SH3KBP1: variants seen among roughly 807,000 people sequenced by gnomAD.
SH3KBP1 encodes SH3 domain containing kinase binding protein 1.
Under a neutral mutation model 50.1 loss-of-function variants are expected in SH3KBP1, and 8 were observed. That is an observed-to-expected ratio of 0.16 (90% confidence interval 0.09 to 0.29). SH3KBP1 has a LOEUF of 0.29. Ranked by LOEUF, SH3KBP1 falls within the 10% of genes least tolerant of loss-of-function variation. The pLI is 1.00. For missense variants in SH3KBP1, 377 were observed against 535.2 expected, an observed-to-expected ratio of 0.70 and a Z score of 2.92; for synonymous variants, 227 against 218.6, an observed-to-expected ratio of 1.04 and a Z score of -0.34.
At chrX:19,832,792 C>A (rs907671609) in intron 2 of SH3KBP1, among the ~76,000 whole-genome samples, 1 of 111,909 alleles carries the variant, frequency 8.9e-6, no homozygotes, top group Admixed American at 9.4e-5. Flanking sequence ...TGGGGCAATG[C>A]GGAGACCTTC....
intron 1 of SH3KBP1, among the ~76,000 whole-genome samples, chrX:19,882,418 A>C (rs1163009775): frequency 1.8e-5 from 2 of 111,559 alleles, no homozygotes; most frequent in Non-Finnish European, 3.8e-5. Flanking sequence ...ACACATGGAA[A>C]AGAGGGGCAG....
chrX:19,830,122 C>T lies in SH3KBP1; in HGVS notation c.162+6003G>A, dbSNP rs186282727. 1.7e-3 allele frequency among the ~76,000 whole-genome samples: 191 copies of T among 111,058 alleles called. 1 individual carries two copies. Among genetic ancestry groups the T allele is most frequent in the African/African-American group, 5.6e-3 (171 of 30,559 alleles). Reference sequence around the variant, plus strand: ...TATGATCTGTATCTCGTGCTGACCTCCTATCTCGTCCTGTGACTTAGAATG... The same window carrying T: ...TATGATCTGTATCTCGTGCTGACCTTCTATCTCGTCCTGTGACTTAGAATG... On this transcript the variant is annotated intron_variant, in intron 2 of 17. Coordinates refer to ENST00000397821, the MANE Select transcript of SH3KBP1 (RefSeq NM_031892.3).
chrX:19,768,367 C>A (rs761474769), intron 2 of SH3KBP1, among the ~76,000 whole-genome samples: 1 of 104,836 alleles, frequency 9.5e-6, no homozygotes, highest in Non-Finnish European at 1.9e-5. Context: ...CCAAGTTAAT[C>A]GGATCATTCT....
intron 6 of SH3KBP1, among the ~76,000 whole-genome samples, chrX:19,674,819 C>T (rs901849890): frequency 9.0e-6 from 1 of 111,645 alleles, no homozygotes; most frequent in African/African-American, 3.3e-5. Flanking sequence ...TGGCTCATGC[C>T]TGTAATCCCA....
chrX:19,623,544 G>C (rs982860541), intron 8 of SH3KBP1, among the ~76,000 whole-genome samples: 1 of 111,931 alleles, frequency 8.9e-6, no homozygotes, highest in African/African-American at 3.2e-5. Flanking sequence ...AATTAGCCAG[G>C]CATGATGGCA....
At chrX:19,882,412 A>G (rs1363729120) in intron 1 of SH3KBP1, among the ~76,000 whole-genome samples, 1 of 111,506 alleles carries the variant, frequency 9.0e-6, no homozygotes, top group Admixed American at 9.6e-5. Flanking sequence ...GTCCATACAC[A>G]TGGAAAAGAG....
intron 2 of SH3KBP1, among the ~76,000 whole-genome samples, chrX:19,767,388 T>C (rs1304210024): frequency 8.9e-6 from 1 of 112,672 alleles, no homozygotes; most frequent in African/African-American, 3.2e-5. Flanking sequence ...CCACATCTGC[T>C]TTTTGACAGT....
intron 2 of SH3KBP1, among the ~76,000 whole-genome samples, chrX:19,801,353 C>T (rs748592793): frequency 9.0e-6 from 1 of 111,620 alleles, no homozygotes; most frequent in Non-Finnish European, 1.9e-5. Context: ...CCCCTGGGGT[C>T]CACCCTACCT....
At chrX:19,862,022 T>C (rs2068789798) in intron 1 of SH3KBP1, among the ~76,000 whole-genome samples, 1 of 112,131 alleles carries the variant, frequency 8.9e-6, no homozygotes, top group Non-Finnish European at 1.9e-5. Flanking sequence ...CGCCTCTTGG[T>C]AGCCACTGCT....
chrX:19,643,241 A>G (rs916126308), intron 7 of SH3KBP1, among the ~76,000 whole-genome samples: 5 of 108,524 alleles, frequency 4.6e-5, no homozygotes, highest in Admixed American at 9.8e-5. Flanking sequence ...TGGAAGAACA[A>G]TTACCCCAGA....
intron 2 of SH3KBP1, among the ~76,000 whole-genome samples, chrX:19,815,125 T>G (rs937513102): frequency 9.0e-6 from 1 of 111,672 alleles, no homozygotes; most frequent in Non-Finnish European, 1.9e-5. Context: ...TGGTGGTGGT[T>G]ATTATTTTTT....
intron 3 of SH3KBP1, among the ~76,000 whole-genome samples, chrX:19,732,258 A>AT (rs1473056867): frequency 3.6e-5 from 4 of 111,327 alleles, no homozygotes; most frequent in Non-Finnish European, 5.7e-5. Context: ...AAACTTCAAA[A>AT]TCTTCTGTTT....
chrX:19,626,246 T>A (rs1321987097), intron 8 of SH3KBP1, among the ~76,000 whole-genome samples: 1 of 111,387 alleles, frequency 9.0e-6, no homozygotes, highest in Non-Finnish European at 1.9e-5. Flanking sequence ...CGGTTCTAAC[T>A]GTGCCCTCAC....
chrX:19,638,498 T>C (rs1388043681), intron 7 of SH3KBP1, among the ~76,000 whole-genome samples: 1 of 107,587 alleles, frequency 9.3e-6, no homozygotes, highest in South Asian at 4.0e-4. Context: ...CTTGTAAAAA[T>C]AGATCAACTG....
At chrX:19,636,302 A>G (rs1475389601) in intron 7 of SH3KBP1, among the ~76,000 whole-genome samples, 2 of 110,535 alleles carry the variant, frequency 1.8e-5, no homozygotes, top group African/African-American at 6.6e-5. Flanking sequence ...GAGTCCTTTA[A>G]GAATCTGATA....
At chrX:19,692,704 T>TTA (rs1491019289) in intron 5 of SH3KBP1, among the ~76,000 whole-genome samples, 1 of 99,287 alleles carries the variant, frequency 1.0e-5, no homozygotes, top group African/African-American at 3.8e-5. Flanking sequence ...TTTTTTTTTT[T>TTA]AATAGTCTCT....
chrX:19,724,750 A>G (rs1219059491), intron 3 of SH3KBP1, among the ~76,000 whole-genome samples: 2 of 112,653 alleles, frequency 1.8e-5, no homozygotes, highest in Non-Finnish European at 3.8e-5. Flanking sequence ...ATTTTTTTAA[A>G]AAGGAAGAAC....
At chrX:19,670,839 CAAAA>C (rs397973698) in intron 6 of SH3KBP1, 87 of 988,825 alleles carry the variant, frequency 8.8e-5, no homozygotes, top group Admixed American at 4.7e-4. Context: ...ACTCTAAAAG[CAAAA>C]AAAAAAAAAA....
At chrX:19,546,099 A>T in intron 14 of SH3KBP1, 49 bp from the exon 15 acceptor site, 1 of 1,187,356 alleles carries the variant, frequency 8.4e-7, no homozygotes, top group South Asian at 1.8e-5. Flanking sequence ...ACCTTAGCTG[A>T]CACCACTTTC....
Sources: allele counts gnomAD v4.1 joint callset (sites outside exome capture counted in the v4.1 genomes callset), GRCh38; gene constraint gnomAD v4.1.1; transcripts MANE v1.5; gene names NCBI Gene and HGNC (gene_info 2026-07-23, HGNC 2026-07-21).